The following TMEM132C variants were observed in gnomAD, a reference collection of about 807,000 sequenced individuals.
The protein encoded by TMEM132C is protein phosphatase 1, regulatory subunit 152.
Under a neutral mutation model 61.4 loss-of-function variants are expected in TMEM132C, and 29 were observed. That is an observed-to-expected ratio of 0.47 (90% CI 0.35 to 0.64). TMEM132C has a LOEUF of 0.64. TMEM132C is among the 30% of genes least tolerant of loss of function. The pLI is 0.00. For missense variants in TMEM132C, 1,408 were observed against 1,476.9 expected (o/e 0.95, Z 0.76); for synonymous variants, 656 against 633.1 (o/e 1.04, Z -0.54).
chr12:128,465,102 G>C (rs1870684709), intron 2 of TMEM132C, among the ~76,000 whole-genome samples: 1 of 152,112 alleles, frequency 6.6e-6, no homozygotes, highest in Non-Finnish European at 1.5e-5. Context: ...AGCAGTGTCA[G>C]AGTTCTGTGT....
Position 128,315,265 on chromosome 12 carries a change from G to T in TMEM132C, c.85+47778G>T, listed in dbSNP as rs147926680. Among the ~76,000 whole-genome samples, 300 of 152,290 alleles carry T rather than the reference G, an allele frequency of 2.0e-3. 1 individual carries two copies. Among genetic ancestry groups the T allele is most frequent in the Non-Finnish European group, 3.7e-3 (254 of 68,012 alleles). On this transcript the variant is annotated intron_variant, in intron 1 of 8. Coordinates refer to ENST00000435159, the MANE Select transcript of TMEM132C (RefSeq NM_001136103.3). Reference sequence around the variant, plus strand: ...GAAGCCAGTGTGTGCCTGCCCCAGCGTCAGTGTGTGGAGAGGAACGGGATG... The same window carrying T: ...GAAGCCAGTGTGTGCCTGCCCCAGCTTCAGTGTGTGGAGAGGAACGGGATG...
chr12:128,323,692 G>T (rs1872412068), intron 1 of TMEM132C, among the ~76,000 whole-genome samples: 1 of 152,106 alleles, frequency 6.6e-6, no homozygotes, highest in Non-Finnish European at 1.5e-5. Flanking sequence ...ACCAGCGGGT[G>T]GCCAATGGCA....
chr12:128,400,612 T>G (rs2009133), intron 1 of TMEM132C, among the ~76,000 whole-genome samples: 9,580 of 150,714 alleles, frequency 0.064, 942 homozygotes, highest in African/African-American at 0.22. Flanking sequence ...TTTTTTTTTT[T>G]TTGTTTGCAG....
Position 128,688,774 on chromosome 12 carries a change from G to A in TMEM132C, c.1450-5055G>A, listed in dbSNP as rs1424065094. On this transcript the variant is annotated intron_variant, in intron 5 of 8. Transcript: ENST00000435159. The stretch of plus-strand genomic sequence containing the variant: ...AAGAGTAGGCAAAATTGATTTTATG[G>A]TAAAAAATAAAGCCTTAAAAACTGT... 2.6e-5 allele frequency among the ~76,000 whole-genome samples: 4 copies of A among 152,186 alleles called. No homozygotes were observed. The South Asian group carries it at 6.2e-4, about 24-fold the overall frequency.
At chr12:128,676,369 A>T (rs1008114962) in intron 5 of TMEM132C, among the ~76,000 whole-genome samples, 1 of 149,676 alleles carries the variant, frequency 6.7e-6, no homozygotes, top group Non-Finnish European at 1.5e-5. Flanking sequence ...ATATACATAC[A>T]TATTTTGTTT....
chr12:128,518,857 G>A (rs571864436), intron 2 of TMEM132C, among the ~76,000 whole-genome samples: 7 of 152,200 alleles, frequency 4.6e-5, no homozygotes, highest in Non-Finnish European at 7.4e-5. Context: ...CTTACTAGCC[G>A]TGCAGGAACT....
chr12:128,492,049 G>A (rs1046870061), intron 2 of TMEM132C, among the ~76,000 whole-genome samples: 1 of 152,024 alleles, frequency 6.6e-6, no homozygotes, highest in Non-Finnish European at 1.5e-5. Flanking sequence ...CCCTTCCTGT[G>A]TCCAAGCATT....
Position 128,267,241 on chromosome 12 carries a change from C to T in TMEM132C, c.-162C>T, listed in dbSNP as rs976673537. Among the ~76,000 whole-genome samples, 1 of 146,916 alleles carries T rather than the reference C, an allele frequency of 6.8e-6. No individual in the cohort carries two copies. Among genetic ancestry groups the T allele is most frequent in the African/African-American group, 2.4e-5 (1 of 40,872 alleles). On this transcript the variant is annotated 5_prime_UTR_variant, in exon 1 of 9. Coordinates refer to ENST00000435159, the MANE Select transcript of TMEM132C (RefSeq NM_001136103.3). ...GCCAGAGCCAGAGCCGGAGCTGCGG[C>T]GGCGTGGACCCGGCAGGGGCGGGCC...
intron 2 of TMEM132C, among the ~76,000 whole-genome samples, chr12:128,534,194 G>A (rs1357024189): frequency 2.0e-5 from 3 of 152,170 alleles, no homozygotes; most frequent in Admixed American, 6.5e-5. Context: ...ATTTTAAAAA[G>A]AGGGAAAATA....
intron 8 of TMEM132C, among the ~76,000 whole-genome samples, chr12:128,700,857 T>G (rs2135660209): frequency 6.6e-6 from 1 of 152,360 alleles, no homozygotes; most frequent in Non-Finnish European, 1.5e-5. Flanking sequence ...CTGAGCCATC[T>G]CTTCTGTCTT....
chr12:128,578,886 C>T (rs573377795), intron 3 of TMEM132C, among the ~76,000 whole-genome samples: 14 of 151,514 alleles, frequency 9.2e-5, no homozygotes, highest in Non-Finnish European at 1.9e-4. Flanking sequence ...GCGTGAGCCA[C>T]CATGCCCAGC....
At chr12:128,701,026 A>G (rs974883574) in intron 8 of TMEM132C, among the ~76,000 whole-genome samples, 17 of 152,318 alleles carry the variant, frequency 1.1e-4, no homozygotes, top group African/African-American at 3.4e-4. Context: ...CGCCAAGGGC[A>G]GCCGGAGCTC....
intron 1 of TMEM132C, among the ~76,000 whole-genome samples, chr12:128,411,113 C>T (rs1391148741): frequency 1.3e-5 from 2 of 152,180 alleles, no homozygotes; most frequent in Non-Finnish European, 2.9e-5. Flanking sequence ...GGGGACAGTT[C>T]TCTGTTGGCT....
intron 1 of TMEM132C, among the ~76,000 whole-genome samples, chr12:128,298,112 CCTT>C (rs1471812557): frequency 1.3e-5 from 2 of 152,178 alleles, no homozygotes; most frequent in African/African-American, 4.8e-5. Flanking sequence ...TATCTCCTCT[CCTT>C]CTGCCCAGTA....
chr12:128,541,275 A>G (rs763406879), intron 2 of TMEM132C, among the ~76,000 whole-genome samples: 2 of 152,098 alleles, frequency 1.3e-5, no homozygotes, highest in Non-Finnish European at 2.9e-5. Context: ...CAGGGACACC[A>G]CCTTCCAGGA....
intron 5 of TMEM132C, among the ~76,000 whole-genome samples, chr12:128,690,230 G>A (rs1385367795): frequency 1.3e-5 from 2 of 152,220 alleles, no homozygotes; most frequent in African/African-American, 4.8e-5. Context: ...TCAGTGGGCA[G>A]TTTTCTCAAT....
At chr12:128,296,215 G>A (rs1593001452) in intron 1 of TMEM132C, among the ~76,000 whole-genome samples, 2 of 152,192 alleles carry the variant, frequency 1.3e-5, no homozygotes, top group Non-Finnish European at 2.9e-5. Flanking sequence ...GGAGGTTCAC[G>A]TTTTATAATT....
At chr12:128,404,449 C>T (rs1454851167) in intron 1 of TMEM132C, 2 of 152,182 alleles carry the variant, frequency 1.3e-5, no homozygotes, top group African/African-American at 4.8e-5. Flanking sequence ...ATTCAATCTC[C>T]GCAGGTCCTA....
chr12:128,579,295 A>G (rs1357797622), intron 3 of TMEM132C, among the ~76,000 whole-genome samples: 1 of 152,234 alleles, frequency 6.6e-6, no homozygotes, highest in Non-Finnish European at 1.5e-5. Flanking sequence ...CACGTCCAAC[A>G]TACTGGCTTG....
Sources: gnomAD v4.1 joint callset for allele counts (sites outside exome capture counted in the v4.1 genomes callset) on GRCh38, gnomAD v4.1.1 for gene constraint, MANE v1.5 for transcripts, NCBI Gene and HGNC (gene_info 2026-07-23, HGNC 2026-07-21) for gene names.